The following NTM variants were observed in gnomAD, a reference collection of about 807,000 sequenced individuals.
NTM encodes IgLON family member 2.
Under a neutral mutation model 42.1 loss-of-function variants are expected in NTM, and 13 were observed. The ratio of observed to expected loss-of-function variants is 0.31; its 90% confidence interval spans 0.20 to 0.49. NTM has a LOEUF of 0.49. Among genes scored for constraint, NTM ranks in the 20% least tolerant of loss-of-function variants. The pLI is 0.99. For missense variants in NTM, 373 were observed against 452.8 expected (o/e 0.82, Z 1.60); for synonymous variants, 187 against 179.2 (o/e 1.04, Z -0.35).
intron 2 of NTM, among the ~76,000 whole-genome samples, chr11:131,965,236 G>T (rs116004766): frequency 6.6e-6 from 1 of 152,068 alleles, no homozygotes; most frequent in Admixed American, 6.5e-5. Flanking sequence ...AATGAGGGAC[G>T]CACAGGCCAG....
intron 4 of NTM, among the ~76,000 whole-genome samples, chr11:132,273,191 A>G (rs1298875274): frequency 2.0e-5 from 3 of 151,662 alleles, no homozygotes; most frequent in Non-Finnish European, 2.9e-5. Flanking sequence ...TTCTGTTGAA[A>G]TGGTATATTA....
chr11:131,732,870 T>C (rs2079875070), intron 1 of NTM, among the ~76,000 whole-genome samples: 1 of 152,190 alleles, frequency 6.6e-6, no homozygotes, highest in Non-Finnish European at 1.5e-5. Context: ...CCCAATGATA[T>C]CTTTCAGTAT....
intron 1 of NTM, among the ~76,000 whole-genome samples, chr11:131,430,157 G>A (rs780759588): frequency 1.3e-5 from 2 of 152,146 alleles, no homozygotes; most frequent in Non-Finnish European, 1.5e-5. Flanking sequence ...GAAGGGAGTG[G>A]CCATACAGAA....
chr11:131,910,521 C>T (rs557669593), intron 1 of NTM, among the ~76,000 whole-genome samples: 3 of 151,378 alleles, frequency 2.0e-5, no homozygotes, highest in African/African-American at 2.4e-5. Context: ...GCCGCCAGCC[C>T]GCCCGCTCGC....
intron 3 of NTM, among the ~76,000 whole-genome samples, chr11:132,159,190 C>T (rs545927059): frequency 1.3e-5 from 2 of 152,148 alleles, no homozygotes; most frequent in Admixed American, 1.3e-4. Flanking sequence ...CCCCTCTCTC[C>T]TTGAGGGGCT....
rs960803807 is a variant in NTM at position 132,146,263 on chromosome 11, T to C, written c.168-19T>C. On this transcript the variant is annotated intron_variant, in intron 2 of 8. Transcript: ENST00000683400. The surrounding 1 kb of genome is among the most constrained non-coding windows in gnomAD (Gnocchi z 4.5). ...TCGTCTCTCAGTCCCTTGACGTACC[T>C]GTCTGGTCTTCCCTTCAGGTGCACT... The C allele has an allele frequency of 3.1e-6, 5 of 1,613,770 alleles. No individual in the cohort carries two copies. The African/African-American group carries it at 6.7e-5, about 22-fold the overall frequency.
intron 1 of NTM, among the ~76,000 whole-genome samples, chr11:131,512,589 G>C (rs1591889313): frequency 6.6e-6 from 1 of 152,216 alleles, no homozygotes; most frequent in Admixed American, 6.5e-5. Flanking sequence ...GTTTCTCTCA[G>C]CTAGGCTTCT....
At chr11:131,435,190 T>C (rs560535064) in intron 1 of NTM, among the ~76,000 whole-genome samples, 1 of 152,338 alleles carries the variant, frequency 6.6e-6, no homozygotes, top group Non-Finnish European at 1.5e-5. Flanking sequence ...TTGGTTACTG[T>C]AGCCTTGTAT....
At chr11:131,513,429 C>T (rs1222536652) in intron 1 of NTM, among the ~76,000 whole-genome samples, 1 of 151,770 alleles carries the variant, frequency 6.6e-6, no homozygotes, top group Non-Finnish European at 1.5e-5. Flanking sequence ...AAATACTGAC[C>T]AAAGACAGAA....
chr11:131,600,463 C>G (rs2060381061), intron 1 of NTM, among the ~76,000 whole-genome samples: 1 of 152,102 alleles, frequency 6.6e-6, no homozygotes, highest in Non-Finnish European at 1.5e-5. Context: ...CCATTTCATT[C>G]CATTTAGCAG....
intron 1 of NTM, among the ~76,000 whole-genome samples, chr11:131,805,917 ATG>A (rs1254294342): frequency 3.3e-5 from 5 of 152,198 alleles, no homozygotes; most frequent in African/African-American, 1.2e-4. Flanking sequence ...ATTAAACATG[ATG>A]TTTATGGTCA....
chr11:132,229,204 A>G (rs1051081922), intron 4 of NTM, among the ~76,000 whole-genome samples: 3 of 152,032 alleles, frequency 2.0e-5, no homozygotes, highest in African/African-American at 7.3e-5. Flanking sequence ...TTTCCATTTG[A>G]GAACTCCTCA....
chr11:131,785,963 T>A (rs1446404575), intron 1 of NTM, among the ~76,000 whole-genome samples: 2 of 152,166 alleles, frequency 1.3e-5, no homozygotes, highest in African/African-American at 4.8e-5. Context: ...GTGATGGCCA[T>A]ATGCTTTAGA....
At chr11:131,543,681 A>T (rs1323922466) in intron 1 of NTM, among the ~76,000 whole-genome samples, 1 of 152,116 alleles carries the variant, frequency 6.6e-6, no homozygotes, top group African/African-American at 2.4e-5. Flanking sequence ...AGCTTCCCCT[A>T]ATTCTGAACT....
At chr11:131,976,552 A>C (rs2064415628) in intron 2 of NTM, among the ~76,000 whole-genome samples, 1 of 152,094 alleles carries the variant, frequency 6.6e-6, no homozygotes, top group Non-Finnish European at 1.5e-5. Context: ...TTCAACACAC[A>C]GATAATTTAG....
chr11:131,486,823 G>T (rs1207012009), intron 1 of NTM, among the ~76,000 whole-genome samples: 1 of 152,072 alleles, frequency 6.6e-6, no homozygotes, highest in East Asian at 1.9e-4. Flanking sequence ...GCTCAAAATT[G>T]CTCTCAAAGA....
chr11:132,002,854 C>G lies in NTM; in HGVS notation c.167+91206C>G, dbSNP rs886265432. 2.0e-5 allele frequency among the ~76,000 whole-genome samples: 3 copies of G among 149,736 alleles called. No individual in the cohort carries two copies. Among genetic ancestry groups the G allele is most frequent in the Non-Finnish European group, 4.4e-5 (3 of 68,042 alleles). ...GTTTTATACATTTAAAGTCCTAGAACAAAGCCTGCACATAGCAAGCTCTTA... is the reference window on the plus strand; with the variant it reads ...GTTTTATACATTTAAAGTCCTAGAAGAAAGCCTGCACATAGCAAGCTCTTA... On this transcript the variant is annotated intron_variant, in intron 2 of 8. Transcript: ENST00000683400. This position sits in a 1 kb window ranked among gnomAD's most constrained non-coding sequence, Gnocchi z 4.5.
chr11:131,794,133 T>TG (rs1198545490), intron 1 of NTM, among the ~76,000 whole-genome samples: 4 of 152,100 alleles, frequency 2.6e-5, no homozygotes, highest in Non-Finnish European at 5.9e-5. Flanking sequence ...GAAGGGGGCT[T>TG]GGAGGGTGTG....
At chr11:131,504,398 C>T (rs1054446318) in intron 1 of NTM, among the ~76,000 whole-genome samples, 6 of 152,184 alleles carry the variant, frequency 3.9e-5, no homozygotes, top group Admixed American at 3.9e-4. Context: ...TCAGATAGGA[C>T]CGCAGCTACC....
Sources: allele counts gnomAD v4.1 joint callset (sites outside exome capture counted in the v4.1 genomes callset), GRCh38; gene constraint gnomAD v4.1.1; non-coding constraint Gnocchi (gnomAD v3.1); transcripts MANE v1.5; gene names NCBI Gene and HGNC (gene_info 2026-07-23, HGNC 2026-07-21).